The following MLIP variants were observed in gnomAD, a reference collection of about 807,000 sequenced individuals.
MLIP encodes muscular LMNA-interacting protein.
In MLIP, 79 loss-of-function variants were observed where a neutral mutation model predicts 84.8. The observed-to-expected ratio is 0.93, with a 90% confidence interval of 0.78 to 1.12. MLIP has a LOEUF of 1.12. Ranked by LOEUF, MLIP falls within the 50% of genes most tolerant of loss-of-function variation. MLIP has a pLI of 0.00. For synonymous variants in MLIP, 504 were observed against 463.0 expected, an observed-to-expected ratio of 1.09 and a Z score of -1.14; for missense variants, 1,257 against 1,160.6, an observed-to-expected ratio of 1.08 and a Z score of -1.21.
At chr6:54,074,362 G>A (rs1766663728) in intron 1 of MLIP, among the ~76,000 whole-genome samples, 1 of 152,108 alleles carries the variant, frequency 6.6e-6, no homozygotes, top group Non-Finnish European at 1.5e-5. Context: ...GAGTAAGCAT[G>A]GGACTGCTTT....
At chr6:54,020,487 G>A (rs1055813317) in intron 1 of MLIP, among the ~76,000 whole-genome samples, 1 of 152,198 alleles carries the variant, frequency 6.6e-6, no homozygotes, top group Admixed American at 6.5e-5. Context: ...CTAAATACAT[G>A]AATAATTGGT....
At chr6:54,222,557 T>C (rs1361855198) in intron 11 of MLIP, among the ~76,000 whole-genome samples, 2 of 152,112 alleles carry the variant, frequency 1.3e-5, no homozygotes, top group African/African-American at 4.8e-5. Flanking sequence ...TTCCTTGTTG[T>C]TTAAGGCTGA....
chr6:54,250,444 G>T lies in MLIP; in HGVS notation c.2923-6864G>T, dbSNP rs1370123815. Reference sequence around the variant, plus strand: ...CTGCAGCACTATTCACAATAGCAAAGACATGGAATTAACCCAAATGCCCAT... The same window carrying T: ...CTGCAGCACTATTCACAATAGCAAATACATGGAATTAACCCAAATGCCCAT... On this transcript the variant is annotated intron_variant, in intron 12 of 13. Coordinates refer to ENST00000502396, the MANE Select transcript of MLIP (RefSeq NM_001281747.2). Among the ~76,000 whole-genome samples, 3 of 152,090 alleles carry T rather than the reference G, an allele frequency of 2.0e-5. No homozygotes were observed. The South Asian group carries it at 6.2e-4, about 32-fold the overall frequency.
chr6:54,188,134 C>T (rs1777575696), intron 9 of MLIP, among the ~76,000 whole-genome samples: 1 of 152,108 alleles, frequency 6.6e-6, no homozygotes, highest in Admixed American at 6.5e-5. Flanking sequence ...CTGTATAGTG[C>T]ACTTGCCATG....
chr6:54,137,779 C>T lies in MLIP; in HGVS notation c.1710C>T (p.Leu570=). The T allele has an allele frequency of 2.0e-6, 3 of 1,536,086 alleles. No individual in the cohort carries two copies. Among genetic ancestry groups the T allele is most frequent in the Non-Finnish European group, 2.6e-6 (3 of 1,146,898 alleles). ...TGAAGAGTAAACAGGATGGTGACCTCAGGGGTCCAGAAAACCCCAGAAACA... is the reference window on the plus strand; with the variant it reads ...TGAAGAGTAAACAGGATGGTGACCTTAGGGGTCCAGAAAACCCCAGAAACA... ...SSLKSKQDGD[L]RGPENPRNIH... is the part of the protein sequence containing the mutation. Residue 570 remains leucine, a synonymous_variant, in exon 4 of 14, where the codon CTC becomes CTT. Transcript: ENST00000502396.
intron 4 of MLIP, among the ~76,000 whole-genome samples, chr6:54,140,829 G>A (rs1003258673): frequency 3.3e-5 from 5 of 152,282 alleles, no homozygotes; most frequent in Non-Finnish European, 4.4e-5. Flanking sequence ...TTTACAGAAT[G>A]ATAGGAAGAA....
Position 54,266,088 on chromosome 6 carries a change from C to T in MLIP, c.*133C>T. ...TTTATGAGCTGCAGTGCAGCAGAAC[C>T]AAAAAAAAAGTTTGCTGCAATTATA... On this transcript the variant is annotated 3_prime_UTR_variant, in exon 14 of 14. Coordinates refer to ENST00000502396, the MANE Select transcript of MLIP (RefSeq NM_001281747.2). The T allele has an allele frequency of 2.4e-6, 2 of 848,054 alleles. No individual in the cohort carries two copies. The highest frequency in any genetic ancestry group is 3.7e-6 in the Non-Finnish European group (2 of 539,236). 52.5% of individuals were successfully genotyped at this position (848,054 alleles called of 1,614,324 possible). A position where few individuals can be genotyped will look rare whatever the true frequency, so the allele number is the denominator to read the frequency against.
chr6:54,184,208 G>A (rs1777167266), intron 9 of MLIP, among the ~76,000 whole-genome samples: 1 of 152,030 alleles, frequency 6.6e-6, no homozygotes, highest in Non-Finnish European at 1.5e-5. Context: ...GGAAGATTCA[G>A]GACAGTTAGA....
intron 1 of MLIP, among the ~76,000 whole-genome samples, chr6:54,051,593 A>G (rs1396530747): frequency 1.3e-5 from 2 of 152,058 alleles, no homozygotes; most frequent in African/African-American, 4.8e-5. Context: ...TAGTCTCTAT[A>G]TTGTAGACAA....
rs572760180 is a variant in MLIP at position 54,139,741 on chromosome 6, C to T, written c.2217+1455C>T. ...GGTAATGGGTCTGTTTCGGAGCTGA[C>T]ATTTATGTAATGTTAAGTCTGTTGA... On this transcript the variant is annotated intron_variant, in intron 4 of 13. Coordinates refer to ENST00000502396, the MANE Select transcript of MLIP (RefSeq NM_001281747.2). Among the ~76,000 whole-genome samples the T allele has an allele frequency of 5.1e-4, 78 of 152,232 alleles. No homozygotes were observed. In the East Asian group the frequency reaches 0.011, roughly 21 times the overall value.
chr6:54,234,482 C>A (rs555110515), intron 12 of MLIP, among the ~76,000 whole-genome samples: 1 of 152,006 alleles, frequency 6.6e-6, no homozygotes, highest in African/African-American at 2.4e-5. Flanking sequence ...TATGCAGAAG[C>A]CTAAAAAACA....
At chr6:54,088,746 A>G (rs900379108) in intron 1 of MLIP, among the ~76,000 whole-genome samples, 2 of 152,182 alleles carry the variant, frequency 1.3e-5, no homozygotes, top group Non-Finnish European at 2.9e-5. Flanking sequence ...ATGGAGAAAA[A>G]TTAGTAATCT....
intron 1 of MLIP, among the ~76,000 whole-genome samples, chr6:54,080,130 T>C (rs566704076): frequency 1.1e-4 from 16 of 152,148 alleles, no homozygotes; most frequent in Non-Finnish European, 1.8e-4. Context: ...CCAGAACTTT[T>C]CCACTGGGTC....
intron 1 of MLIP, among the ~76,000 whole-genome samples, chr6:54,106,295 A>C (rs566225283): frequency 7.9e-4 from 120 of 152,150 alleles, no homozygotes; most frequent in African/African-American, 2.9e-3. Context: ...TTGGGCAAGA[A>C]GTTTTTTTTT....
upstream of MLIP, among the ~76,000 whole-genome samples, chr6:54,106,708 G>A (rs929116383): frequency 3.3e-5 from 5 of 152,080 alleles, no homozygotes; most frequent in African/African-American, 1.2e-4. Context: ...TTGGGAGGTG[G>A]GGAACAACTT....
rs1771935857 is a variant in MLIP at position 54,137,675 on chromosome 6, A to T, written c.1606A>T (p.Met536Leu). 4 of 1,535,928 alleles carry T rather than the reference A, an allele frequency of 2.6e-6. No homozygotes were observed. The highest frequency in any genetic ancestry group is 1.4e-5 in the African/African-American group (1 of 73,104). The stretch of plus-strand genomic sequence containing the variant: ...ATCACCTACTTTGAAGAGCAATACC[A>T]TGCTCTCCCTGCTACAAACCAGTAC... Reference protein sequence around the residue: ...TPSPTLKSNTMLSLLQTSTSS... With the variant: ...TPSPTLKSNTLLSLLQTSTSS... Residue 536 changes from methionine to leucine, a missense_variant, in exon 4 of 14, where the codon ATG becomes TTG. Transcript: ENST00000502396.
intron 1 of MLIP, among the ~76,000 whole-genome samples, chr6:54,034,742 A>T (rs1764332653): frequency 6.6e-6 from 1 of 152,156 alleles, no homozygotes; most frequent in Non-Finnish European, 1.5e-5. Flanking sequence ...ATTGAAGAAA[A>T]AATATTTTTA....
chr6:54,111,839 G>A (rs926842995), intron 1 of MLIP, among the ~76,000 whole-genome samples: 3 of 152,148 alleles, frequency 2.0e-5, no homozygotes, highest in African/African-American at 7.2e-5. Context: ...GGAGGCTAGA[G>A]GCCATCTGCG....
intron 5 of MLIP, among the ~76,000 whole-genome samples, chr6:54,157,489 C>T (rs915673140): frequency 6.6e-6 from 1 of 152,066 alleles, no homozygotes. Flanking sequence ...TTTGGTGGAA[C>T]CAGGGGTGCA....
Sources: allele counts gnomAD v4.1 joint callset (sites outside exome capture counted in the v4.1 genomes callset), GRCh38; gene constraint gnomAD v4.1.1; transcripts MANE v1.5; gene names NCBI Gene and HGNC (gene_info 2026-07-23, HGNC 2026-07-21).